The following RORB variants were observed in gnomAD, a reference collection of about 807,000 sequenced individuals.
RORB encodes RAR related orphan receptor B.
Under a neutral mutation model 59.1 loss-of-function variants are expected in RORB, and 6 were observed. That is an observed-to-expected ratio of 0.10 (90% CI 0.06 to 0.20). RORB has a LOEUF of 0.20. RORB is among the 10% of genes least tolerant of loss of function. The pLI, the probability that RORB is intolerant of heterozygous loss-of-function variation, is 1.00. For missense variants in RORB, 320 were observed against 560.5 expected, an observed-to-expected ratio of 0.57 and a Z score of 4.33; for synonymous variants, 215 against 204.5, an observed-to-expected ratio of 1.05 and a Z score of -0.44.
chr9:74,559,894 A>C (rs11144010), intron 1 of RORB, among the ~76,000 whole-genome samples: 63,126 of 152,024 alleles, frequency 0.42, 14,081 homozygotes, highest in East Asian at 0.77. Flanking sequence ...CTCTCAGGAT[A>C]TTTCAAGCAA....
intron 1 of RORB, among the ~76,000 whole-genome samples, chr9:74,516,942 AGCT>A (rs1039433926): frequency 1.0e-3 from 158 of 152,146 alleles, no homozygotes; most frequent in African/African-American, 3.6e-3. Context: ...TTTTTTACAT[AGCT>A]GTGGAAGGTT....
intron 1 of RORB, among the ~76,000 whole-genome samples, chr9:74,504,274 T>C (rs1293397524): frequency 2.0e-5 from 3 of 152,044 alleles, no homozygotes; most frequent in Non-Finnish European, 4.4e-5. Flanking sequence ...AGGTACAGTA[T>C]TTTATACTCA....
intron 9 of RORB, among the ~76,000 whole-genome samples, chr9:74,680,937 C>T (rs550026706): frequency 4.7e-4 from 72 of 152,188 alleles, no homozygotes; most frequent in African/African-American, 1.7e-3. Context: ...AAACCGCCCA[C>T]CGGAGAGAAG....
intron 1 of RORB, among the ~76,000 whole-genome samples, chr9:74,589,011 C>A (rs962684615): frequency 6.6e-6 from 1 of 151,822 alleles, no homozygotes; most frequent in Admixed American, 6.6e-5. Context: ...ATTATTGTAA[C>A]CATAATTTTC....
At chr9:74,658,935 G>T (rs1824134598) in intron 4 of RORB, among the ~76,000 whole-genome samples, 1 of 152,182 alleles carries the variant, frequency 6.6e-6, no homozygotes, top group Non-Finnish European at 1.5e-5. Context: ...GCTATCATCA[G>T]AAGTTAGCAT....
At chr9:74,545,471 A>G (rs1204510937) in intron 1 of RORB, among the ~76,000 whole-genome samples, 1 of 152,232 alleles carries the variant, frequency 6.6e-6, no homozygotes, top group Admixed American at 6.5e-5. Context: ...TCTCTGTTTC[A>G]GAAATGAATG....
intron 5 of RORB, 98 bp from the exon 6 acceptor site, chr9:74,662,376 C>A: frequency 8.6e-7 from 1 of 1,167,874 alleles, no homozygotes; most frequent in South Asian, 1.4e-5. Flanking sequence ...CCTTTGGCCC[C>A]AAGTGACAGA....
At chr9:74,549,416 C>T (rs1479796147) in intron 1 of RORB, among the ~76,000 whole-genome samples, 1 of 141,378 alleles carries the variant, frequency 7.1e-6, no homozygotes, top group South Asian at 2.3e-4. Context: ...CGCACTCCAG[C>T]CTGGGCAACA....
chr9:74,543,650 T>A (rs1267488708), intron 1 of RORB, among the ~76,000 whole-genome samples: 1 of 151,722 alleles, frequency 6.6e-6, no homozygotes, highest in Admixed American at 6.6e-5. Flanking sequence ...ACCAAAGGAG[T>A]TGGAACTATT....
chr9:74,666,991 CCAA>C (rs1824278489), intron 7 of RORB, among the ~76,000 whole-genome samples: 2 of 152,174 alleles, frequency 1.3e-5, no homozygotes, highest in African/African-American at 2.4e-5. Flanking sequence ...GATATGGCAG[CCAA>C]CAACAAGTCC....
intron 1 of RORB, among the ~76,000 whole-genome samples, chr9:74,565,256 C>T (rs1295324911): frequency 1.3e-5 from 2 of 152,156 alleles, no homozygotes; most frequent in Non-Finnish European, 2.9e-5. Context: ...TGCAAAATTC[C>T]ACTTATTCAC....
At chr9:74,574,672 G>A (rs929225256) in intron 1 of RORB, among the ~76,000 whole-genome samples, 7 of 152,074 alleles carry the variant, frequency 4.6e-5, no homozygotes, top group South Asian at 2.1e-4. Context: ...GGGATCTCCC[G>A]TAACTTGTAG....
chr9:74,549,637 G>C (rs916606267), intron 1 of RORB, among the ~76,000 whole-genome samples: 7 of 149,682 alleles, frequency 4.7e-5, no homozygotes, highest in Admixed American at 4.7e-4. Context: ...AGAAAGGAAA[G>C]AAAGAAAGAA....
chr9:74,672,855 T>C (rs1165025013), intron 9 of RORB, among the ~76,000 whole-genome samples: 2 of 152,154 alleles, frequency 1.3e-5, no homozygotes, highest in Non-Finnish European at 2.9e-5. Context: ...AATCCTACTC[T>C]TTATATTTTT....
chr9:74,678,496 T>A (rs569164064), intron 9 of RORB, among the ~76,000 whole-genome samples: 1 of 152,300 alleles, frequency 6.6e-6, no homozygotes, highest in African/African-American at 2.4e-5. Flanking sequence ...AAAAAAAATT[T>A]AAAAAGCTTA....
intron 1 of RORB, among the ~76,000 whole-genome samples, chr9:74,581,067 A>C (rs1822715710): frequency 6.6e-6 from 1 of 152,136 alleles, no homozygotes; most frequent in South Asian, 2.1e-4. Flanking sequence ...TGAACTTGGT[A>C]GCACAGAATC....
At chr9:74,673,264 A>G (rs1278248721) in intron 9 of RORB, among the ~76,000 whole-genome samples, 1 of 152,202 alleles carries the variant, frequency 6.6e-6, no homozygotes, top group Non-Finnish European at 1.5e-5. Context: ...ATGCATAAAT[A>G]CATCTTGTTA....
intron 1 of RORB, among the ~76,000 whole-genome samples, chr9:74,612,475 C>T (rs1020830756): frequency 1.3e-5 from 2 of 152,132 alleles, no homozygotes; most frequent in African/African-American, 2.4e-5. Context: ...TATAGACATA[C>T]TAGCCATCCT....
intron 1 of RORB, among the ~76,000 whole-genome samples, chr9:74,538,990 A>G (rs1040697904): frequency 1.3e-5 from 2 of 152,114 alleles, no homozygotes; most frequent in African/African-American, 4.8e-5. Context: ...TGCTCTTGCT[A>G]ATGAATTCTA....
Sources: allele counts gnomAD v4.1 joint callset (sites outside exome capture counted in the v4.1 genomes callset), GRCh38; gene constraint gnomAD v4.1.1; transcripts MANE v1.5; gene names NCBI Gene and HGNC (gene_info 2026-07-23, HGNC 2026-07-21).